Variants in SAMD5 observed in about 807,000 individuals in gnomAD.
SAMD5 encodes sterile alpha motif domain-containing protein 5.
SAMD5 carries 13 observed loss-of-function variants against 11.3 expected under a neutral mutation model. The ratio of observed to expected loss-of-function variants is 1.15; its 90% CI spans 0.75 to 1.83. The LOEUF is 1.83. Among genes scored for constraint, SAMD5 ranks in the 40% most tolerant of loss-of-function variants. SAMD5 has a pLI of 0.00. For synonymous variants in SAMD5, 129 were observed against 111.3 expected (o/e 1.16, Z -1.00); for missense variants, 255 against 239.1 (o/e 1.07, Z -0.44).
the SAMD5 span, among the ~76,000 whole-genome samples, chr6:147,916,660 C>G: frequency 1.3e-5 from 2 of 150,960 alleles, no homozygotes; most frequent in African/African-American, 4.9e-5. Context: ...CACCCATTAA[C>G]TCGTCATTTA....
At chr6:147,878,655 ATG>A in the SAMD5 span, among the ~76,000 whole-genome samples, 3 of 149,104 alleles carry the variant, frequency 2.0e-5, no homozygotes, top group African/African-American at 7.4e-5. Flanking sequence ...AGATTTATAC[ATG>A]TATCTATATA....
chr6:147,557,144 G>A (rs1309282717), intron 1 of SAMD5, among the ~76,000 whole-genome samples: 1 of 151,910 alleles, frequency 6.6e-6, no homozygotes, highest in Non-Finnish European at 1.5e-5. Flanking sequence ...TTATTGAATA[G>A]GAAGAAGTCA....
chr6:147,646,352 G>A (rs1790401220), intron 1 of SAMD5, among the ~76,000 whole-genome samples: 1 of 152,136 alleles, frequency 6.6e-6, no homozygotes, highest in Admixed American at 6.5e-5. Context: ...AGATACATTT[G>A]CATCAATTGT....
At chr6:147,933,531 G>A in the SAMD5 span, among the ~76,000 whole-genome samples, 5 of 152,160 alleles carry the variant, frequency 3.3e-5, no homozygotes, top group South Asian at 4.1e-4. Flanking sequence ...TTTCTTTGCT[G>A]TATAACCTCA....
chr6:147,647,800 G>A (rs762720773), intron 1 of SAMD5, among the ~76,000 whole-genome samples: 1 of 152,158 alleles, frequency 6.6e-6, no homozygotes, highest in Non-Finnish European at 1.5e-5. Context: ...TAGGCAACTT[G>A]AGAGGCATCG....
chr6:147,666,184 G>T (rs1790716964), intron 1 of SAMD5, among the ~76,000 whole-genome samples: 1 of 152,196 alleles, frequency 6.6e-6, no homozygotes. Flanking sequence ...TGATCCGCCC[G>T]CCTCAGTCTC....
At chr6:147,595,992 T>C (rs759482864) in intron 1 of SAMD5, among the ~76,000 whole-genome samples, 12 of 152,172 alleles carry the variant, frequency 7.9e-5, no homozygotes, top group South Asian at 2.1e-4. Flanking sequence ...GCAGCATAGA[T>C]TGTGCTAGCC....
chr6:147,861,408 C>T, the SAMD5 span, among the ~76,000 whole-genome samples: 3 of 152,126 alleles, frequency 2.0e-5, no homozygotes, highest in East Asian at 1.9e-4. Flanking sequence ...TCAAGTGATC[C>T]GTCCGCCTCG....
the SAMD5 span, among the ~76,000 whole-genome samples, chr6:147,859,480 A>G: frequency 6.6e-6 from 1 of 152,230 alleles, no homozygotes; most frequent in African/African-American, 2.4e-5. Flanking sequence ...GTAAGGAAAG[A>G]TAGAATAGAG....
intron 1 of SAMD5, among the ~76,000 whole-genome samples, chr6:147,534,534 C>T (rs1788479000): frequency 6.6e-6 from 1 of 152,162 alleles, no homozygotes; most frequent in Non-Finnish European, 1.5e-5. Context: ...TTACTCAAGT[C>T]AGTCTCCCCG....
chr6:147,647,798 T>C (rs186147215), intron 1 of SAMD5, among the ~76,000 whole-genome samples: 73 of 152,290 alleles, frequency 4.8e-4, no homozygotes, highest in African/African-American at 1.7e-3. Flanking sequence ...TTTAGGCAAC[T>C]TGAGAGGCAT....
intron 1 of SAMD5, among the ~76,000 whole-genome samples, chr6:147,661,405 A>C (rs925963453): frequency 6.6e-6 from 1 of 152,228 alleles, no homozygotes; most frequent in African/African-American, 2.4e-5. Context: ...CTTAAATTTT[A>C]AGGCAAGGGT....
chr6:147,578,963 C>A lies in SAMD5; in HGVS notation c.162+69576C>A, dbSNP rs1048257628. ...TATAAATAATTTACCTAGTTCTATG[C>A]GTAGTAAATGTTCAGTAGGTGTTAG... On this transcript the variant is annotated intron_variant, in intron 1 of 1. Transcript: ENST00000566741. Among the ~76,000 whole-genome samples the A allele has an allele frequency of 1.2e-4, 18 of 152,310 alleles. No homozygotes were observed. In the East Asian group the frequency reaches 1.5e-3, roughly 13 times the overall value.
intron 1 of SAMD5, among the ~76,000 whole-genome samples, chr6:147,646,778 A>G (rs920144053): frequency 1.3e-5 from 2 of 152,030 alleles, no homozygotes; most frequent in African/African-American, 4.8e-5. Flanking sequence ...GATCATATAT[A>G]TTTTGTGTTA....
chr6:147,773,749 A>T, the SAMD5 span, among the ~76,000 whole-genome samples: 1 of 152,152 alleles, frequency 6.6e-6, no homozygotes, highest in Non-Finnish European at 1.5e-5. Flanking sequence ...ATGGGGGAAT[A>T]GATGTCAACA....
chr6:147,509,072 G>A lies in SAMD5; in HGVS notation c.144G>A (p.Ala48=), dbSNP rs372741951. ...DPDLDAIGVL[A]PAHRRRILEA... The stretch of plus-strand genomic sequence containing the variant: ...ACCTGGATGCCATCGGGGTGCTGGC[G>A]CCCGCGCACCGCCGCCGTATCCTGG... Residue 48 remains alanine (A), a synonymous_variant, in exon 1 of 2, where the codon GCG becomes GCA. Transcript: ENST00000367474. 7.5e-6 allele frequency: 12 copies of A among 1,601,516 alleles called. No homozygotes were observed. Among genetic ancestry groups the A allele is most frequent in the African/African-American group, 4.0e-5 (3 of 74,380 alleles).
the SAMD5 span, among the ~76,000 whole-genome samples, chr6:147,844,854 G>T: frequency 6.6e-6 from 1 of 152,158 alleles, no homozygotes; most frequent in Non-Finnish European, 1.5e-5. Context: ...TGGAACAGGG[G>T]TGATGGGGAA....
the SAMD5 span, among the ~76,000 whole-genome samples, chr6:147,932,873 C>T: frequency 6.6e-6 from 1 of 152,040 alleles, no homozygotes; most frequent in Non-Finnish European, 1.5e-5. Context: ...TTTTCTTGAA[C>T]TTCGGTAAAT....
At position 147,593,354 on chromosome 6, in the gene SAMD5, C is replaced by T. The variant is rs1000229517; in HGVS notation, c.162+83967C>T. On this transcript the variant is annotated intron_variant, in intron 1 of 1. Coordinates refer to the SAMD5 transcript ENST00000566741. ...ATGTATGATAAATGTATCATCAATA[C>T]ACTGAAGCAAAAGGAGAGGGAGGCT... 2.0e-5 allele frequency among the ~76,000 whole-genome samples: 3 copies of T among 152,150 alleles called. No individual in the cohort carries two copies. The East Asian group carries it at 5.8e-4, about 29-fold the overall frequency.
Sources: gnomAD v4.1 joint callset for allele counts (sites outside exome capture counted in the v4.1 genomes callset) on GRCh38, gnomAD v4.1.1 for gene constraint, MANE v1.5 for transcripts, NCBI Gene and HGNC (gene_info 2026-07-23, HGNC 2026-07-21) for gene names.